Variants in TMEFF2 observed in about 807,000 individuals in gnomAD.
The protein encoded by TMEFF2 is tomoregulin-2.
Under a neutral mutation model 53.8 loss-of-function variants are expected in TMEFF2, and 28 were observed. The ratio of observed to expected loss-of-function variants is 0.52; its 90% CI spans 0.39 to 0.71. TMEFF2 has a LOEUF of 0.71. Ranked by LOEUF, TMEFF2 falls within the 30% of genes least tolerant of loss-of-function variation. The pLI, the probability that TMEFF2 is intolerant of heterozygous loss-of-function variation, is 0.00. For missense variants in TMEFF2, 353 were observed against 455.2 expected, an observed-to-expected ratio of 0.78 and a Z score of 2.04; for synonymous variants, 162 against 166.3, an observed-to-expected ratio of 0.97 and a Z score of 0.20.
chr2:191,994,567 A>T (rs1293864800), intron 7 of TMEFF2, among the ~76,000 whole-genome samples: 1 of 145,526 alleles, frequency 6.9e-6, no homozygotes, highest in Non-Finnish European at 1.5e-5. Context: ...GACATGAGGG[A>T]CACACACACA....
At chr2:192,173,845 A>T (rs1369698996) in intron 4 of TMEFF2, among the ~76,000 whole-genome samples, 1 of 151,826 alleles carries the variant, frequency 6.6e-6, no homozygotes, top group Non-Finnish European at 1.5e-5. Flanking sequence ...ACTTAAAATC[A>T]CTAATTAAAA....
rs778297516 is a variant in TMEFF2 at position 191,999,179 on chromosome 2, G to A, written c.566C>T (p.Thr189Ile). 2.5e-6 allele frequency: 4 copies of A among 1,610,038 alleles called. No individual in the cohort carries two copies. The East Asian group carries it at 6.7e-5, about 27-fold the overall frequency. The change falls in exon 6 of 10, where the codon ACC (threonine) becomes ATC (isoleucine). Residue 189 changes from threonine to isoleucine, a missense_variant. Physicochemically the swap from Thr to Ile is moderately conservative, Grantham distance 89. Transcript: ENST00000272771. ...AGAAGCGCAGAGGGGATTGAAGTTG[G>A]TTTGAGAACAGTCAATATTACACAC... ...WCVCNIDCSQ[T>I]NFNPLCASDG... is the part of the protein sequence containing the mutation.
At chr2:192,077,829 CACA>C (rs1439544342) in intron 4 of TMEFF2, among the ~76,000 whole-genome samples, 1 of 151,832 alleles carries the variant, frequency 6.6e-6, no homozygotes, top group Non-Finnish European at 1.5e-5. Context: ...TATATATAAG[CACA>C]ACGTTCTGAT....
chr2:192,139,442 T>C (rs1690087410), intron 4 of TMEFF2, among the ~76,000 whole-genome samples: 1 of 152,150 alleles, frequency 6.6e-6, no homozygotes, highest in Admixed American at 6.5e-5. Flanking sequence ...TATGAGAGCA[T>C]TTTGTCTGTT....
At chr2:192,084,985 G>A (rs73982384) in intron 4 of TMEFF2, among the ~76,000 whole-genome samples, 2,652 of 152,176 alleles carry the variant, frequency 0.017, 74 homozygotes, top group African/African-American at 0.06. Context: ...ACTGAAAACT[G>A]TCATAAAAGC....
chr2:192,175,502 T>C (rs1321215959), intron 4 of TMEFF2, among the ~76,000 whole-genome samples: 2 of 151,602 alleles, frequency 1.3e-5, no homozygotes, highest in East Asian at 3.9e-4. Flanking sequence ...TAACAACAAT[T>C]ATCTGGATAA....
chr2:192,178,059 T>C (rs891513711), intron 4 of TMEFF2: 15 of 151,052 alleles, frequency 9.9e-5, no homozygotes, highest in African/African-American at 3.1e-4. Flanking sequence ...TCTTGGTATG[T>C]TTTATTTTGT....
At chr2:192,108,374 T>C (rs1474255571) in intron 4 of TMEFF2, among the ~76,000 whole-genome samples, 1 of 151,960 alleles carries the variant, frequency 6.6e-6, no homozygotes, top group Non-Finnish European at 1.5e-5. Flanking sequence ...ATTATTTAAA[T>C]GTAATCTTTT....
At chr2:192,187,989 C>T (rs778114244) in intron 2 of TMEFF2, among the ~76,000 whole-genome samples, 91 of 152,056 alleles carry the variant, frequency 6.0e-4, no homozygotes, top group Non-Finnish European at 9.3e-4. Context: ...CAGAGTCTGG[C>T]ATGTAGAAGG....
chr2:192,116,998 A>G (rs930754121), intron 4 of TMEFF2, among the ~76,000 whole-genome samples: 2 of 152,100 alleles, frequency 1.3e-5, no homozygotes, highest in African/African-American at 4.8e-5. Context: ...TTTCATTGTT[A>G]TCTAACAGCA....
chr2:192,106,445 CAA>C (rs1423071575), intron 4 of TMEFF2, among the ~76,000 whole-genome samples: 4 of 151,158 alleles, frequency 2.6e-5, no homozygotes, highest in Non-Finnish European at 4.4e-5. Context: ...GATAATAAAC[CAA>C]AAAGTTATTT....
rs1397811966 is a variant in TMEFF2, at chr2:191,950,260, A to ATT, written c.*49_*50dup. 1 of 1,602,234 alleles carries ATT rather than the reference A, an allele frequency of 6.2e-7. No individual in the cohort carries two copies. The highest frequency in any genetic ancestry group is 1.7e-5 in the Admixed American group (1 of 59,558). ...CTTATTCTTTTGTCTATAATACTGT[A>ATT]TTGTGTAGTCCAAGCTCTCGGTAGT... On this transcript the variant is annotated 3_prime_UTR_variant, in exon 10 of 10. Transcript: ENST00000272771.
chr2:192,032,170 T>G (rs567817475), intron 5 of TMEFF2: 1 of 152,338 alleles, frequency 6.6e-6, no homozygotes, highest in African/African-American at 2.4e-5. Flanking sequence ...ATATATTGTC[T>G]AAGTTGAAGT....
chr2:192,013,688 G>A (rs969830271), intron 5 of TMEFF2, among the ~76,000 whole-genome samples: 3 of 152,122 alleles, frequency 2.0e-5, no homozygotes, highest in Non-Finnish European at 2.9e-5. Flanking sequence ...GACCTCAGGC[G>A]ATCCGCCCGC....
Position 192,042,245 on chromosome 2 carries a change from T to C in TMEFF2, c.536+15434A>G, listed in dbSNP as rs141219359. Reference sequence around the variant, plus strand: ...TCACAGATCTTCATAACAGAAATATTTGAGAAAGTTTGAAATATTGTGAGA... The same window carrying C: ...TCACAGATCTTCATAACAGAAATATCTGAGAAAGTTTGAAATATTGTGAGA... On this transcript the variant is annotated intron_variant, in intron 5 of 9. Coordinates refer to ENST00000272771, the MANE Select transcript of TMEFF2 (RefSeq NM_016192.4). Among the ~76,000 whole-genome samples the C allele has an allele frequency of 2.6e-5, 4 of 152,122 alleles. No homozygotes were observed. The East Asian group carries it at 7.7e-4, about 29-fold the overall frequency.
At chr2:192,179,419 TACAA>T (rs530393562) in intron 4 of TMEFF2, 9 of 394,940 alleles carry the variant, frequency 2.3e-5, no homozygotes, top group Admixed American at 4.5e-5. Context: ...AAAGATAACT[TACAA>T]ACAAACAAAC....
Position 191,956,084 on chromosome 2 carries a change from G to GTGTGTAAATGCT in TMEFF2, c.869+170_869+171insAGCATTTACACA, listed in dbSNP as rs1553506953. Among the ~76,000 whole-genome samples the GTGTGTAAATGCT allele has an allele frequency of 5.0e-3, 757 of 151,392 alleles. 3 individuals carry two copies. Among genetic ancestry groups the GTGTGTAAATGCT allele is most frequent in the Non-Finnish European group, 7.4e-3 (504 of 67,806 alleles). On this transcript the variant is annotated intron_variant, in intron 8 of 9. Coordinates refer to ENST00000272771, the MANE Select transcript of TMEFF2 (RefSeq NM_016192.4). ...GTGCACATATTTTTGTTTTTTTTTA[G>GTGTGTAAATGCT]TGTGTGAGTATGTGTGTATGTGTGT...
intron 5 of TMEFF2, chr2:192,028,438 C>T (rs1022667407): frequency 2.6e-5 from 4 of 151,628 alleles, no homozygotes; most frequent in Non-Finnish European, 5.9e-5. Context: ...CAATAATGTC[C>T]TGAGAAATAC....
At chr2:192,002,620 A>G (rs760834053) in intron 5 of TMEFF2, among the ~76,000 whole-genome samples, 48 of 152,248 alleles carry the variant, frequency 3.2e-4, no homozygotes, top group East Asian at 1.9e-4. Flanking sequence ...ACCTGAGTTC[A>G]GCAGTTGGAG....
Sources: allele counts gnomAD v4.1 joint callset (sites outside exome capture counted in the v4.1 genomes callset), GRCh38; gene constraint gnomAD v4.1.1; transcripts MANE v1.5; gene names NCBI Gene and HGNC (gene_info 2026-07-23, HGNC 2026-07-21).